Variants in PRKG1 observed in about 807,000 individuals in gnomAD.
PRKG1 encodes the protein cGMP-dependent protein kinase 1.
Under a neutral mutation model 88.1 loss-of-function variants are expected in PRKG1, and 35 were observed. The ratio of observed to expected loss-of-function variants is 0.40; its 90% CI spans 0.30 to 0.53. PRKG1 has a LOEUF of 0.53. Ranked by LOEUF, PRKG1 falls within the 20% of genes least tolerant of loss-of-function variation. The pLI is 0.59. For missense variants in PRKG1, 540 were observed against 839.8 expected (o/e 0.64, Z 4.41); for synonymous variants, 303 against 292.5 (o/e 1.04, Z -0.37).
At chr10:51,337,472 G>A (rs1403775838) in intron 2 of PRKG1, among the ~76,000 whole-genome samples, 1 of 151,956 alleles carries the variant, frequency 6.6e-6, no homozygotes, top group Non-Finnish European at 1.5e-5. Flanking sequence ...TTATGAACAG[G>A]CAACCTACAG....
intron 2 of PRKG1, among the ~76,000 whole-genome samples, chr10:51,393,075 G>T (rs1448285398): frequency 1.6e-5 from 1 of 60,700 alleles, no homozygotes; most frequent in Non-Finnish European, 3.5e-5. Context: ...GGCGGCTGCC[G>T]GGCGGAGGGG....
At chr10:51,620,705 A>T (rs1839183357) in intron 3 of PRKG1, among the ~76,000 whole-genome samples, 1 of 152,052 alleles carries the variant, frequency 6.6e-6, no homozygotes, top group African/African-American at 2.4e-5. Context: ...TAAGTTATGT[A>T]CAAGTCAGGT....
At chr10:51,675,406 G>A (rs555884602) in intron 3 of PRKG1, among the ~76,000 whole-genome samples, 15 of 152,206 alleles carry the variant, frequency 9.9e-5, no homozygotes, top group Non-Finnish European at 1.8e-4. Flanking sequence ...ATAACAAAAG[G>A]ATATAAAATT....
rs965475371 is a variant in PRKG1 at position 51,135,272 on chromosome 10, C to T, written c.312-17892C>T. ...TATGCCAAGCAAGATCTGGGAAAAC[C>T]TTTTTAGGCAGAGAGAATAACTTAT... is the stretch of plus-strand genomic sequence containing the variant. On this transcript the variant is annotated intron_variant, in intron 1 of 17. Coordinates refer to ENST00000373980, the MANE Select transcript of PRKG1 (RefSeq NM_006258.4). Among the ~76,000 whole-genome samples the T allele has an allele frequency of 3.9e-5, 6 of 152,006 alleles. No individual in the cohort carries two copies. In the East Asian group the frequency reaches 5.8e-4, roughly 15 times the overall value.
chr10:51,797,219 A>C (rs891099461), intron 3 of PRKG1, among the ~76,000 whole-genome samples: 47 of 151,064 alleles, frequency 3.1e-4, no homozygotes, highest in Admixed American at 2.7e-3. Context: ...ACTTCTGAAA[A>C]GTAAAACAAA....
At chr10:52,293,716 G>GTTTATTCC in intron 17 of PRKG1, 86 bp from the exon 18 acceptor site, 1 of 1,038,392 alleles carries the variant, frequency 9.6e-7, no homozygotes, top group Non-Finnish European at 1.5e-6. Context: ...CACTAATAGG[G>GTTTATTCC]AATAAATACA....
At chr10:51,947,827 G>T (rs988101800) in intron 5 of PRKG1, among the ~76,000 whole-genome samples, 4 of 151,440 alleles carry the variant, frequency 2.6e-5, no homozygotes, top group Non-Finnish European at 5.9e-5. Context: ...GAGAGGGAGA[G>T]TCTGAACTTC....
At chr10:52,258,794 A>T (rs1345428326) in intron 10 of PRKG1, among the ~76,000 whole-genome samples, 2 of 152,120 alleles carry the variant, frequency 1.3e-5, no homozygotes, top group Non-Finnish European at 2.9e-5. Context: ...GTGTTAAATT[A>T]AAAATTATGC....
In PRKG1 at chr10:52,008,447, C is replaced by T. The variant is rs116268149; in HGVS notation, c.763-46037C>T. Among the ~76,000 whole-genome samples, 437 of 152,062 alleles carry T rather than the reference C, an allele frequency of 2.9e-3. 1 individual carries two copies. The highest frequency in any genetic ancestry group is 9.4e-3 in the African/African-American group (391 of 41,508). ...TTAGAAATGGCAAAGGGGACATTAC[C>T]ACTGACCTCACAGAAATACAGAAGA... On this transcript the variant is annotated intron_variant, in intron 5 of 17. Coordinates refer to ENST00000373980, the MANE Select transcript of PRKG1 (RefSeq NM_006258.4).
At chr10:51,441,267 G>C (rs1197728348) in intron 2 of PRKG1, among the ~76,000 whole-genome samples, 2 of 151,908 alleles carry the variant, frequency 1.3e-5, no homozygotes, top group Non-Finnish European at 2.9e-5. Context: ...TTTTGCTCTT[G>C]TTCTCTCTGA....
intron 1 of PRKG1, among the ~76,000 whole-genome samples, chr10:51,091,744 A>G: frequency 6.6e-6 from 1 of 152,186 alleles, no homozygotes; most frequent in East Asian, 1.9e-4. Context: ...GTTGCCATTT[A>G]TAGAATACTT....
intron 9 of PRKG1, among the ~76,000 whole-genome samples, chr10:52,229,019 C>T (rs1045111432): frequency 2.0e-5 from 3 of 152,162 alleles, no homozygotes; most frequent in African/African-American, 7.2e-5. Context: ...AATAAACTCA[C>T]ATGACATGAT....
intron 3 of PRKG1, among the ~76,000 whole-genome samples, chr10:51,691,395 C>A (rs1482393689): frequency 6.6e-6 from 1 of 151,404 alleles, no homozygotes. Flanking sequence ...GCAGCCTCCA[C>A]CTCCTGGGCT....
chr10:51,720,617 G>C (rs1167797440), intron 3 of PRKG1, among the ~76,000 whole-genome samples: 1 of 152,174 alleles, frequency 6.6e-6, no homozygotes, highest in African/African-American at 2.4e-5. Context: ...AAGGAGCACT[G>C]TGCATACTTA....
chr10:51,701,435 A>G (rs1394850443), intron 3 of PRKG1, among the ~76,000 whole-genome samples: 2 of 152,236 alleles, frequency 1.3e-5, no homozygotes, highest in Non-Finnish European at 2.9e-5. Flanking sequence ...CTGTTCACCC[A>G]AGATGCGCGA....
chr10:51,701,817 T>G (rs970008241), intron 3 of PRKG1, among the ~76,000 whole-genome samples: 2 of 152,232 alleles, frequency 1.3e-5, no homozygotes, highest in African/African-American at 4.8e-5. Context: ...ACAGAGTTTC[T>G]TTACTGCTGA....
intron 2 of PRKG1, among the ~76,000 whole-genome samples, chr10:51,169,409 G>T (rs982802675): frequency 6.6e-6 from 1 of 152,020 alleles, no homozygotes; most frequent in African/African-American, 2.4e-5. Flanking sequence ...TCATTTGCTA[G>T]TACCTTTGCT....
At chr10:52,247,681 T>C (rs1263257584) in intron 9 of PRKG1, among the ~76,000 whole-genome samples, 1 of 152,202 alleles carries the variant, frequency 6.6e-6, no homozygotes, top group Non-Finnish European at 1.5e-5. Flanking sequence ...AGCCCCTTTA[T>C]ATAGGTTCAT....
At chr10:51,514,786 T>G (rs1004930410) in intron 3 of PRKG1, among the ~76,000 whole-genome samples, 15 of 152,154 alleles carry the variant, frequency 9.9e-5, no homozygotes, top group African/African-American at 3.4e-4. Context: ...TGTTTCCAGG[T>G]TTTCAGTCTT....
Sources: gnomAD v4.1 joint callset for allele counts (sites outside exome capture counted in the v4.1 genomes callset) on GRCh38, gnomAD v4.1.1 for gene constraint, MANE v1.5 for transcripts, NCBI Gene and HGNC (gene_info 2026-07-23, HGNC 2026-07-21) for gene names.